Variants in BAHCC1 observed in about 807,000 individuals in gnomAD.
BAHCC1 encodes the protein BAH and coiled-coil domain-containing protein 1.
Under a neutral mutation model 88.2 loss-of-function variants are expected in BAHCC1, and 43 were observed. The ratio of observed to expected loss-of-function variants is 0.49; its 90% CI spans 0.38 to 0.63. BAHCC1 has a LOEUF of 0.63. BAHCC1 is among the 20% of genes least tolerant of loss of function. The pLI is 0.00. For synonymous variants in BAHCC1, 1,510 were observed against 745.5 expected (o/e 2.03, Z -16.71); for missense variants, 3,023 against 1,654.8 (o/e 1.83, Z -14.34).
Position 81,461,208 on chromosome 17 carries a change from A to G in BAHCC1, c.6545A>G (p.Lys2182Arg). 1 of 729,810 alleles carries G rather than the reference A, an allele frequency of 1.4e-6. No individual in the cohort carries two copies. The highest frequency in any genetic ancestry group is 2.5e-6 in the Non-Finnish European group (1 of 397,704). The allele number at this position is 729,810 out of a possible 1,614,324, so 45.2% of individuals were successfully genotyped here. The change falls in exon 26 of 28, where the codon AAG becomes AGG. Residue 2182 changes from lysine (K) to arginine (R), a missense_variant. By Grantham distance (26) the Lys-to-Arg change is conservative (BLOSUM62 2). Transcript: ENST00000675386. ...TGPGLPRGAH[K>R]LLRAKKAERV... is the part of the protein sequence containing the mutation. The stretch of plus-strand genomic sequence containing the variant: ...CCGGGCCTCCCCAGGGGAGCCCACA[A>G]GCTGCTGCGGGCTAAGAAGGCCGAG...
chr17:81,434,221 C>A lies in BAHCC1; in HGVS notation c.359-4149C>A, dbSNP rs2064306021. Among the ~76,000 whole-genome samples the A allele has an allele frequency of 1.3e-5, 2 of 152,134 alleles. No individual in the cohort carries two copies. Among genetic ancestry groups the A allele is most frequent in the Admixed American group, 6.5e-5 (1 of 15,280 alleles). On this transcript the variant is annotated intron_variant, in intron 3 of 27. Coordinates refer to ENST00000675386, the MANE Select transcript of BAHCC1 (RefSeq NM_001377448.1). This position sits in a 1 kb window ranked among gnomAD's most constrained non-coding sequence, Gnocchi z 4.9. Reference sequence around the variant, plus strand: ...ACAGTGCCCACAGCCTCCCACGTTCCCCAGGGCCTCCCAGGCTGGCTGCCC... The same window carrying A: ...ACAGTGCCCACAGCCTCCCACGTTCACCAGGGCCTCCCAGGCTGGCTGCCC...
In BAHCC1 at chr17:81,435,945, G is replaced by C. The variant is rs1392746291; in HGVS notation, c.359-2425G>C. Among the ~76,000 whole-genome samples, 3 of 151,780 alleles carry C rather than the reference G, an allele frequency of 2.0e-5. No homozygotes were observed. The highest frequency in any genetic ancestry group is 4.4e-5 in the Non-Finnish European group (3 of 67,836). ...AATCATTTTTAAATTTTCTTTCTCA[G>C]TTTTGAGAGTATGGTCTTATTGGGA... On this transcript the variant is annotated intron_variant, in intron 3 of 27. Coordinates refer to ENST00000675386, the MANE Select transcript of BAHCC1 (RefSeq NM_001377448.1). The surrounding 1 kb of genome is among the most constrained non-coding windows in gnomAD (Gnocchi z 4.4).
At position 81,461,275 on chromosome 17, in the gene BAHCC1, T is replaced by G. The variant is rs782468480; in HGVS notation, c.6612T>G (p.Gly2204=). The part of the protein sequence containing the change: ...AEKGGRRRAG[G]EFLVKLDHEG... ...AGGGTGGGCGGCGGCGGGCGGGCGG[T>G]GAGTTCCTGGTCAAGCTGGACCACG... is the stretch of plus-strand genomic sequence containing the variant. The change falls in exon 26 of 28, where the codon GGT becomes GGG. Residue 2204 remains glycine (G), a synonymous_variant. Coordinates refer to ENST00000675386, the MANE Select transcript of BAHCC1 (RefSeq NM_001377448.1). 7 of 702,554 alleles carry G rather than the reference T, an allele frequency of 1.0e-5. No individual in the cohort carries two copies. In the South Asian group the frequency reaches 1.1e-4, roughly 11 times the overall value. 43.5% of individuals were successfully genotyped at this position (702,554 alleles called of 1,614,324 possible).
chr17:81,408,648 A>G (rs2063910728), intron 2 of BAHCC1, among the ~76,000 whole-genome samples: 1 of 151,980 alleles, frequency 6.6e-6, no homozygotes, highest in South Asian at 2.1e-4. Flanking sequence ...CCTTTCCTCC[A>G]TGCCCCACAC....
chr17:81,418,752 CGT>C (rs375715066), intron 2 of BAHCC1, among the ~76,000 whole-genome samples: 91 of 119,090 alleles, frequency 7.6e-4, no homozygotes, highest in East Asian at 3.7e-3. Context: ...CACCCACAGA[CGT>C]GTGTGTGTGT....
intron 3 of BAHCC1, among the ~76,000 whole-genome samples, chr17:81,428,023 C>T (rs907079075): frequency 3.9e-5 from 6 of 152,210 alleles, no homozygotes; most frequent in Admixed American, 2.0e-4. Context: ...TCTGGGCTTT[C>T]GGCTCAGGGC....
At position 81,460,973 on chromosome 17, in the gene BAHCC1, A is replaced by G. The variant is rs1463342789; in HGVS notation, c.6310A>G (p.Thr2104Ala). 3 of 772,786 alleles carry G rather than the reference A, an allele frequency of 3.9e-6. No homozygotes were observed. Among genetic ancestry groups the G allele is most frequent in the Non-Finnish European group, 7.2e-6 (3 of 417,476 alleles). The allele number at this position is 772,786 out of a possible 1,614,324, so 47.9% of individuals were successfully genotyped here. The change falls in exon 26 of 28, where the codon ACC becomes GCC. Residue 2104 changes from threonine (T) to alanine (A), a missense_variant. Coordinates refer to ENST00000675386, the MANE Select transcript of BAHCC1 (RefSeq NM_001377448.1). ...PLLSWSAVAQ[T>A]KRKAVAAASK... ...GCTGAGCTGGTCCGCGGTGGCGCAG[A>G]CCAAGCGGAAGGCGGTGGCAGCGGC...
chr17:81,440,719 C>T (rs1598484808), intron 4 of BAHCC1, among the ~76,000 whole-genome samples: 1 of 152,170 alleles, frequency 6.6e-6, no homozygotes, highest in Non-Finnish European at 1.5e-5. Flanking sequence ...AGACCGAGGG[C>T]CCAGGCTGGG....
intron 14 of BAHCC1, 84 bp downstream of exon 14, chr17:81,452,935 G>A (rs1406274258): frequency 1.6e-6 from 1 of 625,320 alleles, no homozygotes; most frequent in Non-Finnish European, 2.8e-6. Context: ...AGGCTCCCCT[G>A]AGGCTTCCAG....
chr17:81,411,247 T>A lies in BAHCC1; in HGVS notation c.178+11330T>A. On this transcript the variant is annotated intron_variant, in intron 2 of 27. Transcript: ENST00000675386. The surrounding 1 kb of genome is among the most constrained non-coding windows in gnomAD (Gnocchi z 6.2). ...CCCCAGGAGGACTCGCCACCCCCAG[T>A]TGAGCAGCTCCCCTTCTCGGCAGCT... 2.0e-6 allele frequency: 1 copy of A among 503,432 alleles called. No individual in the cohort carries two copies. The highest frequency in any genetic ancestry group is 3.9e-6 in the Non-Finnish European group (1 of 253,382). The allele number at this position is 503,432 out of a possible 1,614,324, so 31.2% of individuals were successfully genotyped here.
chr17:81,416,396 G>A (rs1281119389), intron 2 of BAHCC1, among the ~76,000 whole-genome samples: 26 of 141,062 alleles, frequency 1.8e-4, no homozygotes, highest in Non-Finnish European at 3.7e-4. Flanking sequence ...GGGTGTATGC[G>A]CGTGTGTACG....
At chr17:81,398,489 G>A (rs1206944379) in intron 1 of BAHCC1, among the ~76,000 whole-genome samples, 1 of 144,976 alleles carries the variant, frequency 6.9e-6, no homozygotes, top group Non-Finnish European at 1.5e-5. Flanking sequence ...TACCCAGGCC[G>A]CCCGGTACTG....
intron 23 of BAHCC1, among the ~76,000 whole-genome samples, chr17:81,459,998 G>A (rs1330233864): frequency 1.3e-5 from 2 of 152,154 alleles, no homozygotes; most frequent in African/African-American, 4.8e-5. Context: ...GCCTCCAGGC[G>A]GGACTCGGCT....
intron 4 of BAHCC1, among the ~76,000 whole-genome samples, chr17:81,440,225 G>A (rs2064392506): frequency 6.6e-6 from 1 of 152,228 alleles, no homozygotes; most frequent in Non-Finnish European, 1.5e-5. Flanking sequence ...TATTTTGACA[G>A]TGTTTGTCAG....
At position 81,465,334 on chromosome 17, in the gene BAHCC1, C is replaced by A. The variant is rs1169725930; in HGVS notation, c.*1517C>A. The A allele has an allele frequency of 1.3e-5, 2 of 152,206 alleles. No individual in the cohort carries two copies. Among genetic ancestry groups the A allele is most frequent in the Non-Finnish European group, 2.9e-5 (2 of 68,054 alleles). 9.4% of individuals were successfully genotyped at this position (152,206 alleles called of 1,614,324 possible). On this transcript the variant is annotated 3_prime_UTR_variant, in exon 28 of 28. Coordinates refer to ENST00000675386, the MANE Select transcript of BAHCC1 (RefSeq NM_001377448.1). Reference sequence around the variant, plus strand: ...GGCATAGAATGAGGGTCCCCCTGACCACCTGAGCCCAAATCCTGGCCCCAG... The same window carrying A: ...GGCATAGAATGAGGGTCCCCCTGACAACCTGAGCCCAAATCCTGGCCCCAG...
chr17:81,418,833 A>AGC (rs1435453226), intron 2 of BAHCC1, among the ~76,000 whole-genome samples: 12 of 30,488 alleles, frequency 3.9e-4, no homozygotes, highest in Middle Eastern at 0.02. Flanking sequence ...GTGTGTGTGT[A>AGC]GCCACTCATC....
At position 81,456,380 on chromosome 17, in the gene BAHCC1, G is replaced by T. The variant is rs1555657274; in HGVS notation, c.4653G>T (p.Lys1551Asn). Residue 1551 changes from lysine (K) to asparagine (N), a missense_variant, in exon 16 of 28, where the codon AAG (lysine) becomes AAT (asparagine). Lys to Asn is a moderately conservative substitution (Grantham distance 94, BLOSUM62 0). Coordinates refer to ENST00000675386, the MANE Select transcript of BAHCC1 (RefSeq NM_001377448.1). ...VAHRVAQLKP[K>N]VKSKGLPTGL... Reference sequence around the variant, plus strand: ...ACAGGGTGGCCCAGCTGAAACCCAAGGTCAAGAGCAAAGGGCTGCCCACAG... The same window carrying T: ...ACAGGGTGGCCCAGCTGAAACCCAATGTCAAGAGCAAAGGGCTGCCCACAG... 1 of 724,052 alleles carries T rather than the reference G, an allele frequency of 1.4e-6. No homozygotes were observed. The highest frequency in any genetic ancestry group is 2.6e-5 in the East Asian group (1 of 37,848). 44.9% of individuals were successfully genotyped at this position (724,052 alleles called of 1,614,324 possible). A position where few individuals can be genotyped will look rare whatever the true frequency, so the allele number is the denominator to read the frequency against.
rs1364043994 is a variant in BAHCC1, at chr17:81,399,788, G to A, written c.49G>A (p.Gly17Arg). 9.6e-6 allele frequency: 12 copies of A among 1,252,898 alleles called. No homozygotes were observed. In the East Asian group the frequency reaches 4.0e-4, roughly 42 times the overall value. 77.6% of individuals were successfully genotyped at this position (1,252,898 alleles called of 1,614,324 possible). ...APPPHLLSERGSLGHRSAAAA... is the reference protein window; with the variant it reads ...APPPHLLSERRSLGHRSAAAA... ...GCCGCCGCATCTGCTGTCGGAGCGC[G>A]GGAGCCTGGGCCACCGCAGCGCCGC... The change falls in exon 2 of 28, where the codon GGG becomes AGG. Residue 17 changes from glycine (G) to arginine (R), a missense_variant. By Grantham distance (125) the Gly-to-Arg change is moderately radical. Transcript: ENST00000675386. The surrounding 1 kb of genome is among the most constrained non-coding windows in gnomAD (Gnocchi z 4.5).
intron 11 of BAHCC1, 44 bp downstream of exon 11, chr17:81,447,892 G>T: frequency 1.4e-6 from 1 of 710,428 alleles, no homozygotes. Context: ...CCCAGCAGTG[G>T]GACCCACACG....
Sources: gnomAD v4.1 joint callset for allele counts (sites outside exome capture counted in the v4.1 genomes callset) on GRCh38, gnomAD v4.1.1 for gene constraint, Gnocchi (gnomAD v3.1) non-coding constraint, MANE v1.5 for transcripts, NCBI Gene and HGNC (gene_info 2026-07-23, HGNC 2026-07-21) for gene names.